The following GFM1 variants were observed in gnomAD, a reference collection of about 807,000 sequenced individuals.
GFM1 encodes the protein elongation factor G, mitochondrial.
GFM1 carries 62 observed loss-of-function variants against 96.2 expected under a neutral mutation model. The ratio of observed to expected loss-of-function variants is 0.64; its 90% CI spans 0.53 to 0.80. The LOEUF (loss-of-function observed/expected upper bound fraction) is 0.80. GFM1 is among the 30% of genes least tolerant of loss of function. The probability of loss-of-function intolerance (pLI) is 0.00; values close to 1 mark genes in which losing one functional copy is unlikely to be tolerated. For missense variants in GFM1, 852 were observed against 916.6 expected, an observed-to-expected ratio of 0.93 and a Z score of 0.91; for synonymous variants, 282 against 312.9, an observed-to-expected ratio of 0.90 and a Z score of 1.04.
Position 158,646,856 on chromosome 3 carries a change from C to G in GFM1, c.481C>G (p.Gln161Glu), listed in dbSNP as rs1373294092. Residue 161 changes from glutamine to glutamate, a missense_variant, in exon 4 of 18, where the codon CAG becomes GAG. Coordinates refer to ENST00000486715, the MANE Select transcript of GFM1 (RefSeq NM_024996.7). Reference sequence around the variant, plus strand: ...GTGCCAGACCATGACTGTCAATCGTCAGATGAAGCGCTACAACGTTCCGTT... The same window carrying G: ...GTGCCAGACCATGACTGTCAATCGTGAGATGAAGCGCTACAACGTTCCGTT... ...VQCQTMTVNR[Q>E]MKRYNVPFLT... 2 of 1,613,948 alleles carry G rather than the reference C, an allele frequency of 1.2e-6. No homozygotes were observed. Among genetic ancestry groups the G allele is most frequent in the Non-Finnish European group, 1.7e-6 (2 of 1,180,012 alleles).
chr3:158,666,724 C>G (rs769216571), intron 13 of GFM1: 3 of 1,613,866 alleles, frequency 1.9e-6, no homozygotes, highest in South Asian at 2.2e-5. Context: ...AGAGAACTTG[C>G]ATTTGCCAGG....
intron 8 of GFM1, 21 bp from the exon 9 acceptor site, chr3:158,658,901 T>G (rs749249196): frequency 6.2e-7 from 1 of 1,613,756 alleles, no homozygotes; most frequent in East Asian, 2.2e-5. Context: ...CTTCCTGCCC[T>G]TACCCAATCT....
chr3:158,669,072 C>T (rs375011073), intron 13 of GFM1: 83 of 1,613,560 alleles, frequency 5.1e-5, no homozygotes, highest in Non-Finnish European at 6.5e-5. Context: ...TATATAACCA[C>T]AGGCAACCCA....
chr3:158,661,007 C>T (rs1723161417), intron 10 of GFM1, 32 bp downstream of exon 10: 1 of 1,538,000 alleles, frequency 6.5e-7, no homozygotes, highest in African/African-American at 1.4e-5. Flanking sequence ...CTACTTATCA[C>T]TAGAATTTTA....
chr3:158,661,133 C>T (rs765003633), intron 10 of GFM1, among the ~76,000 whole-genome samples, 158 bp downstream of exon 10: 14 of 152,142 alleles, frequency 9.2e-5, no homozygotes, highest in Non-Finnish European at 2.1e-4. Context: ...GGTTATAGCT[C>T]TTTGAATGTC....
At chr3:158,676,001 A>G (rs1345634558) in intron 13 of GFM1, among the ~76,000 whole-genome samples, 1 of 152,236 alleles carries the variant, frequency 6.6e-6, no homozygotes, top group Non-Finnish European at 1.5e-5. Flanking sequence ...AACCAGGTGC[A>G]GTGGCTCACA....
chr3:158,675,159 C>T (rs547498731), intron 13 of GFM1, among the ~76,000 whole-genome samples: 284 of 148,196 alleles, frequency 1.9e-3, no homozygotes, highest in African/African-American at 7.0e-3. Flanking sequence ...TGGCGGCGGG[C>T]GCCTGTAATC....
chr3:158,671,767 C>T (rs1464654996), intron 13 of GFM1, among the ~76,000 whole-genome samples: 1 of 152,184 alleles, frequency 6.6e-6, no homozygotes, highest in African/African-American at 2.4e-5. Context: ...TAATTCAAGC[C>T]TTTAGCAGAG....
chr3:158,679,982 T>G (rs1560142809), intron 13 of GFM1, among the ~76,000 whole-genome samples: 1 of 152,204 alleles, frequency 6.6e-6, no homozygotes, highest in African/African-American at 2.4e-5. Flanking sequence ...TTAGGCTGTC[T>G]TAAAAACATA....
At position 158,692,403 on chromosome 3, in the gene GFM1, A is replaced by C. The variant is rs576012001; in HGVS notation, c.*936A>C. 2.0e-5 allele frequency: 3 copies of C among 152,218 alleles called. No homozygotes were observed. Among genetic ancestry groups the C allele is most frequent in the Non-Finnish European group, 4.4e-5 (3 of 68,042 alleles). 9.4% of individuals were successfully genotyped at this position (152,218 alleles called of 1,614,324 possible). ...AATTTATCGTATATTGTATTCACTG[A>C]GATTATGAAGGGACAAATGTTAATC... is the stretch of plus-strand genomic sequence containing the variant. On this transcript the variant is annotated 3_prime_UTR_variant, in exon 18 of 18. Coordinates refer to ENST00000486715, the MANE Select transcript of GFM1 (RefSeq NM_024996.7).
intron 13 of GFM1, among the ~76,000 whole-genome samples, chr3:158,678,601 T>A (rs1163354523): frequency 6.6e-6 from 1 of 152,226 alleles, no homozygotes; most frequent in Non-Finnish European, 1.5e-5. Flanking sequence ...ATGTTCAAAC[T>A]TGAACAGATG....
At chr3:158,667,785 C>T (rs936600117) in intron 13 of GFM1, among the ~76,000 whole-genome samples, 1 of 152,098 alleles carries the variant, frequency 6.6e-6, no homozygotes, top group Non-Finnish European at 1.5e-5. Context: ...GAAACCCTGT[C>T]TCAAAAACAG....
chr3:158,663,485 A>G (rs1479598403), intron 11 of GFM1, among the ~76,000 whole-genome samples: 2 of 144,416 alleles, frequency 1.4e-5, no homozygotes, highest in Admixed American at 1.4e-4. Context: ...CTACTACTAC[A>G]TCTATTTTGA....
At chr3:158,675,784 T>C (rs1050603146) in intron 13 of GFM1, among the ~76,000 whole-genome samples, 5 of 152,212 alleles carry the variant, frequency 3.3e-5, no homozygotes, top group Non-Finnish European at 7.3e-5. Flanking sequence ...GTTCAATTAG[T>C]CCTGGGATAA....
chr3:158,674,216 G>C (rs145022034), intron 13 of GFM1, among the ~76,000 whole-genome samples: 26 of 151,874 alleles, frequency 1.7e-4, no homozygotes, highest in African/African-American at 5.8e-4. Flanking sequence ...TAGTATCTGG[G>C]ACTACAGGTG....
At chr3:158,684,000 A>G (rs1275280669) in intron 14 of GFM1, among the ~76,000 whole-genome samples, 1 of 152,222 alleles carries the variant, frequency 6.6e-6, no homozygotes, top group Non-Finnish European at 1.5e-5. Context: ...GTACAAACAC[A>G]CCAATACTAT....
chr3:158,671,234 A>G (rs1266287607), intron 13 of GFM1, among the ~76,000 whole-genome samples: 1 of 152,236 alleles, frequency 6.6e-6, no homozygotes, highest in Non-Finnish European at 1.5e-5. Flanking sequence ...AGAGTAGGAT[A>G]AAAGCATACA....
intron 1 of GFM1, among the ~76,000 whole-genome samples, chr3:158,645,242 T>C (rs1721672339): frequency 2.0e-5 from 3 of 152,194 alleles, no homozygotes; most frequent in Admixed American, 2.0e-4. Context: ...ATCTGTGAAC[T>C]ACAATAAAGG....
At chr3:158,648,098 A>C (rs1374744303) in intron 4 of GFM1, among the ~76,000 whole-genome samples, 1 of 151,982 alleles carries the variant, frequency 6.6e-6, no homozygotes, top group Non-Finnish European at 1.5e-5. Flanking sequence ...TTGTGTACTT[A>C]ATTTTCATAA....
Sources: allele counts gnomAD v4.1 joint callset (sites outside exome capture counted in the v4.1 genomes callset), GRCh38; gene constraint gnomAD v4.1.1; transcripts MANE v1.5; gene names NCBI Gene and HGNC (gene_info 2026-07-23, HGNC 2026-07-21).